Variants in RIGI observed in about 807,000 individuals in gnomAD.
RIGI encodes the protein RNA sensor RIG-I.
chr9:32,504,315 A>C, the RIGI span, among the ~76,000 whole-genome samples: 1 of 152,140 alleles, frequency 6.6e-6, no homozygotes, highest in Non-Finnish European at 1.5e-5. Context: ...AATATGAGTC[A>C]AAAGTTTTAT....
At chr9:32,509,604 G>C in the RIGI span, among the ~76,000 whole-genome samples, 1 of 152,100 alleles carries the variant, frequency 6.6e-6, no homozygotes, top group South Asian at 2.1e-4. Flanking sequence ...CAACATGAAA[G>C]ACCAAGGGCA....
the RIGI span, among the ~76,000 whole-genome samples, chr9:32,478,106 C>G: frequency 6.6e-6 from 1 of 151,382 alleles, no homozygotes; most frequent in East Asian, 1.9e-4. Context: ...TGCAGTGGTG[C>G]GCTCTTGGCT....
the RIGI span, among the ~76,000 whole-genome samples, chr9:32,471,513 C>A: frequency 6.6e-6 from 1 of 152,166 alleles, no homozygotes; most frequent in African/African-American, 2.4e-5. Flanking sequence ...AAGGAGCTCA[C>A]ATTTTGTAGA....
the RIGI span, among the ~76,000 whole-genome samples, chr9:32,483,432 T>C: frequency 1.7e-3 from 258 of 152,244 alleles, 2 homozygotes; most frequent in Admixed American, 0.015. Flanking sequence ...GGATTCGGAC[T>C]GGCAAAAAGG....
the RIGI span, chr9:32,485,531 CTTTTTTTTTT>C: frequency 2.6e-3 from 826 of 323,520 alleles, 7 homozygotes; most frequent in African/African-American, 0.024. Context: ...TAACTAGCTT[CTTTTTTTTTT>C]TTTTTTTTTT....
chr9:32,502,446 G>A, the RIGI span, among the ~76,000 whole-genome samples: 1 of 152,184 alleles, frequency 6.6e-6, no homozygotes, highest in South Asian at 2.1e-4. Flanking sequence ...TTTTCCCAAG[G>A]AGCTGCACCA....
chr9:32,498,060 T>G, the RIGI span, among the ~76,000 whole-genome samples: 4 of 152,162 alleles, frequency 2.6e-5, no homozygotes, highest in Admixed American at 2.0e-4. Context: ...CTTGCTCCAT[T>G]GCTGATTTCA....
the RIGI span, among the ~76,000 whole-genome samples, chr9:32,466,690 CAAAAAAAAAAAAA>C: frequency 1.3e-3 from 90 of 68,612 alleles, no homozygotes; most frequent in Admixed American, 0.016. Flanking sequence ...AGACCTATCT[CAAAAAAAAAAAAA>C]AAAAAAAAAA....
At chr9:32,511,004 T>C in the RIGI span, among the ~76,000 whole-genome samples, 2 of 151,900 alleles carry the variant, frequency 1.3e-5, no homozygotes, top group East Asian at 1.9e-4. Flanking sequence ...GGGCATTATA[T>C]AATAGTAAAG....
the RIGI span, among the ~76,000 whole-genome samples, chr9:32,512,283 C>T: frequency 6.6e-6 from 1 of 152,182 alleles, no homozygotes; most frequent in East Asian, 1.9e-4. Context: ...AATTTCAGGC[C>T]AATATTCCTG....
the RIGI span, among the ~76,000 whole-genome samples, chr9:32,477,902 G>A: frequency 6.6e-6 from 1 of 151,810 alleles, no homozygotes; most frequent in Non-Finnish European, 1.5e-5. Flanking sequence ...TACAGCCTGG[G>A]AAAGAGAATG....
chr9:32,472,698 G>A, the RIGI span, among the ~76,000 whole-genome samples: 27 of 152,164 alleles, frequency 1.8e-4, no homozygotes, highest in Non-Finnish European at 2.5e-4. Flanking sequence ...TGCTTTGCCA[G>A]CCCAATTGTG....
At chr9:32,481,248 C>G in the RIGI span, 3 of 1,308,798 alleles carry the variant, frequency 2.3e-6, no homozygotes. Context: ...CTCTTGAGGA[C>G]AGGATGAGAA....
chr9:32,508,354 T>G, the RIGI span, among the ~76,000 whole-genome samples: 1 of 147,494 alleles, frequency 6.8e-6, no homozygotes, highest in African/African-American at 2.5e-5. Context: ...CACAGAGAGA[T>G]CAACACAGAA....
the RIGI span, among the ~76,000 whole-genome samples, chr9:32,501,325 C>CA: frequency 0.35 from 42,751 of 121,580 alleles, 7,810 homozygotes; most frequent in East Asian, 0.69. Context: ...CCAGCCTCTA[C>CA]AAAAAAAAAA....
the RIGI span, among the ~76,000 whole-genome samples, chr9:32,455,410 C>T: frequency 6.6e-6 from 1 of 152,038 alleles, no homozygotes; most frequent in Non-Finnish European, 1.5e-5. Context: ...TCTTACATGG[C>T]AGCAGATGAG....
chr9:32,505,400 G>C, the RIGI span, among the ~76,000 whole-genome samples: 4 of 151,880 alleles, frequency 2.6e-5, no homozygotes, highest in African/African-American at 9.7e-5. Context: ...CTTACTTTCC[G>C]GTATTTTTAT....
At chr9:32,498,091 T>TC in the RIGI span, among the ~76,000 whole-genome samples, 1 of 152,160 alleles carries the variant, frequency 6.6e-6, no homozygotes, top group Non-Finnish European at 1.5e-5. Flanking sequence ...TGACTGCCCC[T>TC]CCCTTTAGCA....
At chr9:32,516,687 AACTG>A in the RIGI span, among the ~76,000 whole-genome samples, 1 of 152,220 alleles carries the variant, frequency 6.6e-6, no homozygotes, top group Non-Finnish European at 1.5e-5. Flanking sequence ...AAACCAGCCC[AACTG>A]ACTAAGAAAG....
Sources: gnomAD v4.1 joint callset for allele counts (sites outside exome capture counted in the v4.1 genomes callset) on GRCh38, gnomAD v4.1.1 for gene constraint, MANE v1.5 for transcripts, NCBI Gene and HGNC (gene_info 2026-07-23, HGNC 2026-07-21) for gene names.